Variants in DOK5 observed in about 807,000 individuals in gnomAD.
DOK5 encodes docking protein 5.
In DOK5, 27 loss-of-function variants were observed where a neutral mutation model predicts 43.3. That is an observed-to-expected ratio of 0.62 (90% confidence interval 0.46 to 0.86). DOK5 has a LOEUF of 0.86. DOK5 is among the 40% of genes least tolerant of loss of function. The pLI, the probability that DOK5 is intolerant of heterozygous loss-of-function variation, is 0.00. For synonymous variants in DOK5, 146 were observed against 140.1 expected, an observed-to-expected ratio of 1.04 and a Z score of -0.30; for missense variants, 373 against 392.9, an observed-to-expected ratio of 0.95 and a Z score of 0.43.
At chr20:54,593,231 T>G (rs2146772312) in intron 5 of DOK5, among the ~76,000 whole-genome samples, 1 of 151,452 alleles carries the variant, frequency 6.6e-6, no homozygotes, top group East Asian at 1.9e-4. Flanking sequence ...CACTCCAGCC[T>G]GGGTGACAGA....
intron 6 of DOK5, among the ~76,000 whole-genome samples, chr20:54,613,963 C>T (rs1986728035): frequency 6.6e-6 from 1 of 151,574 alleles, no homozygotes; most frequent in Non-Finnish European, 1.5e-5. Context: ...CACTGCACTC[C>T]AGTCTGGGTG....
chr20:54,619,058 T>TAG, intron 6 of DOK5, among the ~76,000 whole-genome samples: 1 of 108,098 alleles, frequency 9.3e-6, no homozygotes, highest in Non-Finnish European at 1.8e-5. Context: ...TATATATATA[T>TAG]ATATATATAT....
rs978195763 is a variant in DOK5 at position 54,600,207 on chromosome 20, A to G, written c.599+8402A>G. Among the ~76,000 whole-genome samples, 3 of 152,170 alleles carry G rather than the reference A, an allele frequency of 2.0e-5. No homozygotes were observed. In the East Asian group the frequency reaches 5.8e-4, roughly 29 times the overall value. On this transcript the variant is annotated intron_variant, in intron 5 of 7. Coordinates refer to ENST00000262593, the MANE Select transcript of DOK5 (RefSeq NM_018431.5). ...GCAGAATCAATGGATGGGAAGCCAC[A>G]TGACACAGGTGGAGATGCAGCGGGG...
intron 2 of DOK5, among the ~76,000 whole-genome samples, chr20:54,564,636 T>C (rs1466109086): frequency 1.3e-5 from 2 of 151,980 alleles, no homozygotes; most frequent in African/African-American, 4.8e-5. Context: ...AGAAAAAAAA[T>C]ACATATACCA....
At chr20:54,494,078 T>G (rs1252003313) in intron 1 of DOK5, among the ~76,000 whole-genome samples, 1 of 152,254 alleles carries the variant, frequency 6.6e-6, no homozygotes, top group Non-Finnish European at 1.5e-5. Context: ...GATTTTAGCC[T>G]CACTAGCCTG....
rs1286368124 is a variant in DOK5 at position 54,522,770 on chromosome 20, C to A, written c.67-32163C>A. Among the ~76,000 whole-genome samples, 6 of 152,242 alleles carry A rather than the reference C, an allele frequency of 3.9e-5. No individual in the cohort carries two copies. In the East Asian group the frequency reaches 1.2e-3, roughly 29 times the overall value. ...CCTCAAGTGATCCACTTACCTCGGC[C>A]TCCCAAAGTGCTGGGATTACAGGTG... On this transcript the variant is annotated intron_variant, in intron 1 of 7. Transcript: ENST00000262593.
At chr20:54,640,131 C>T (rs1373630332) in intron 6 of DOK5, among the ~76,000 whole-genome samples, 4 of 152,070 alleles carry the variant, frequency 2.6e-5, no homozygotes, top group East Asian at 1.9e-4. Context: ...GAAAGGAAAG[C>T]GGAGGACCCA....
Position 54,588,787 on chromosome 20 carries a change from G to A in DOK5, c.390G>A (p.Gly130=). The change falls in exon 4 of 8, where the codon GGG becomes GGA. Residue 130 remains glycine (G), a synonymous_variant. Transcript: ENST00000262593. ...SLGEPDLLAT[G]VEREQSERFN... is the part of the protein sequence containing the mutation. ...GAGAGCCTGACTTACTGGCCACTGG[G>A]GTTGAGAGAGAACAGAGTGGTATGT... 1 of 1,613,884 alleles carries A rather than the reference G, an allele frequency of 6.2e-7. No individual in the cohort carries two copies. The highest frequency in any genetic ancestry group is 8.5e-7 in the Non-Finnish European group (1 of 1,179,882).
At chr20:54,498,081 A>G (rs1982466720) in intron 1 of DOK5, among the ~76,000 whole-genome samples, 1 of 152,136 alleles carries the variant, frequency 6.6e-6, no homozygotes, top group Admixed American at 6.5e-5. Flanking sequence ...TTTTTCTCTT[A>G]TGTATCTTTT....
At chr20:54,645,968 C>T (rs914245435) in intron 7 of DOK5, among the ~76,000 whole-genome samples, 3 of 131,638 alleles carry the variant, frequency 2.3e-5, no homozygotes, top group African/African-American at 9.4e-5. Flanking sequence ...ATACTGAGTG[C>T]CTCTGTGAGC....
At chr20:54,496,783 A>T (rs1299212350) in intron 1 of DOK5, among the ~76,000 whole-genome samples, 1 of 151,488 alleles carries the variant, frequency 6.6e-6, no homozygotes, top group Admixed American at 6.6e-5. Context: ...AAAAAAAAAA[A>T]AAAGAAAAAA....
At chr20:54,525,460 C>A (rs1983545519) in intron 1 of DOK5, among the ~76,000 whole-genome samples, 1 of 152,122 alleles carries the variant, frequency 6.6e-6, no homozygotes, top group Non-Finnish European at 1.5e-5. Context: ...ACATATGGTG[C>A]TTTTGTTAGT....
chr20:54,543,571 A>ATGTG (rs1017912567), intron 1 of DOK5, among the ~76,000 whole-genome samples: 1 of 119,660 alleles, frequency 8.4e-6, no homozygotes, highest in East Asian at 2.5e-4. Flanking sequence ...GTGTGTGTGT[A>ATGTG]TGTGTGTGTG....
chr20:54,532,426 A>G (rs2146707315), intron 1 of DOK5, among the ~76,000 whole-genome samples: 1 of 152,328 alleles, frequency 6.6e-6, no homozygotes, highest in East Asian at 1.9e-4. Context: ...TGATACATAA[A>G]AGATAAGTAG....
At chr20:54,586,682 G>A (rs1415518403) in intron 2 of DOK5, among the ~76,000 whole-genome samples, 1 of 152,178 alleles carries the variant, frequency 6.6e-6, no homozygotes, top group Non-Finnish European at 1.5e-5. Flanking sequence ...CTGACTAGGT[G>A]TTAGGATGGG....
chr20:54,502,970 A>G (rs1332778878), intron 1 of DOK5, among the ~76,000 whole-genome samples: 2 of 152,194 alleles, frequency 1.3e-5, no homozygotes, highest in Admixed American at 6.5e-5. Flanking sequence ...CTATTGAAAA[A>G]TATTCTTCAA....
chr20:54,528,458 T>C (rs1441127402), intron 1 of DOK5, among the ~76,000 whole-genome samples: 1 of 151,248 alleles, frequency 6.6e-6, no homozygotes, highest in Non-Finnish European at 1.5e-5. Flanking sequence ...CACCTAGAGG[T>C]TACCTCATGG....
intron 1 of DOK5, among the ~76,000 whole-genome samples, chr20:54,498,783 G>A (rs1982488123): frequency 6.6e-6 from 1 of 152,172 alleles, no homozygotes; most frequent in Non-Finnish European, 1.5e-5. Context: ...TCACAAGCTA[G>A]TATTTTTGCA....
chr20:54,540,741 C>T (rs1046079067), intron 1 of DOK5, among the ~76,000 whole-genome samples: 1 of 152,052 alleles, frequency 6.6e-6, no homozygotes, highest in African/African-American at 2.4e-5. Flanking sequence ...CCAGTCTGGT[C>T]TTGAACTCCT....
Sources: allele counts gnomAD v4.1 joint callset (sites outside exome capture counted in the v4.1 genomes callset), GRCh38; gene constraint gnomAD v4.1.1; transcripts MANE v1.5; gene names NCBI Gene and HGNC (gene_info 2026-07-23, HGNC 2026-07-21).